The following KLHL29 variants were observed in gnomAD, a reference collection of about 807,000 sequenced individuals.
KLHL29 encodes the protein kelch like family member 29, also known as kelch-like protein 29.
Under a neutral mutation model 80.4 loss-of-function variants are expected in KLHL29, and 21 were observed. The observed-to-expected ratio is 0.26, with a 90% CI of 0.19 to 0.38. The LOEUF (loss-of-function observed/expected upper bound fraction) is 0.38, where lower values mean the gene tolerates loss of function less well. Ranked by LOEUF, KLHL29 falls within the 10% of genes least tolerant of loss-of-function variation. The pLI, the probability that KLHL29 is intolerant of heterozygous loss-of-function variation, is 1.00. For synonymous variants in KLHL29, 511 were observed against 526.8 expected (o/e 0.97, Z 0.41); for missense variants, 867 against 1,223.9 (o/e 0.71, Z 4.35).
chr2:23,409,182 C>A (rs375153628), intron 1 of KLHL29, among the ~76,000 whole-genome samples: 1 of 152,134 alleles, frequency 6.6e-6, no homozygotes, highest in South Asian at 2.1e-4. Context: ...ACTTTCCATT[C>A]GCAGCACAAA....
chr2:23,593,646 A>G (rs979064768), intron 3 of KLHL29, among the ~76,000 whole-genome samples: 1 of 152,224 alleles, frequency 6.6e-6, no homozygotes, highest in Non-Finnish European at 1.5e-5. Context: ...ACGTGGGGTC[A>G]GGACCAGGGT....
intron 2 of KLHL29, among the ~76,000 whole-genome samples, chr2:23,527,291 C>T (rs938783150): frequency 1.3e-5 from 2 of 152,220 alleles, no homozygotes; most frequent in Admixed American, 6.5e-5. Context: ...TTAGAGCCAG[C>T]ACGTGCTTGC....
intron 2 of KLHL29, among the ~76,000 whole-genome samples, chr2:23,514,893 T>C (rs1185952170): frequency 6.6e-6 from 1 of 152,200 alleles, no homozygotes; most frequent in Non-Finnish European, 1.5e-5. Flanking sequence ...CCACCCATCC[T>C]TCCAGTTCCT....
At chr2:23,545,620 A>G (rs1204136865) in intron 2 of KLHL29, among the ~76,000 whole-genome samples, 1 of 152,190 alleles carries the variant, frequency 6.6e-6, no homozygotes, top group Non-Finnish European at 1.5e-5. Context: ...CTCTGATTTC[A>G]TAGTGAAATT....
chr2:23,652,159 C>T (rs1033299661), intron 5 of KLHL29, among the ~76,000 whole-genome samples: 4 of 152,258 alleles, frequency 2.6e-5, no homozygotes, highest in African/African-American at 4.8e-5. Flanking sequence ...TGAACATTTT[C>T]ATAAATGCAC....
chr2:23,535,045 T>A (rs1389469736), intron 2 of KLHL29, among the ~76,000 whole-genome samples: 2 of 152,228 alleles, frequency 1.3e-5, no homozygotes, highest in Non-Finnish European at 2.9e-5. Context: ...TCAAAACTCA[T>A]CAGACTGTGC....
chr2:23,629,533 A>G (rs1295803935), intron 3 of KLHL29, among the ~76,000 whole-genome samples: 1 of 152,190 alleles, frequency 6.6e-6, no homozygotes, highest in Non-Finnish European at 1.5e-5. Context: ...TGCCAGATTT[A>G]TCATTTCCTT....
chr2:23,540,300 T>G (rs1343279813), intron 2 of KLHL29, among the ~76,000 whole-genome samples: 2 of 152,274 alleles, frequency 1.3e-5, no homozygotes. Context: ...CAATTACAAT[T>G]AAATAAAATG....
At position 23,503,352 on chromosome 2, in the gene KLHL29, TCA is replaced by T. The variant is rs1311470483; in HGVS notation, c.-46+27687_-46+27688del. On this transcript the variant is annotated intron_variant, in intron 2 of 13. Transcript: ENST00000486442. The surrounding 1 kb of genome is among the most constrained non-coding windows in gnomAD (Gnocchi z 4.0). ...AGGCTGGACTAAAAGGTCACTAAGGTCACTTGTAGCCTGACCTTCCATGGCTC... is the reference window on the plus strand; with the variant it reads ...AGGCTGGACTAAAAGGTCACTAAGGTCTTGTAGCCTGACCTTCCATGGCTC... Among the ~76,000 whole-genome samples the T allele has an allele frequency of 1.3e-5, 2 of 152,134 alleles. No homozygotes were observed. The highest frequency in any genetic ancestry group is 1.3e-4 in the Admixed American group (2 of 15,284).
At chr2:23,698,027 AG>A (rs1572523936) in intron 11 of KLHL29, 1 of 152,368 alleles carries the variant, frequency 6.6e-6, no homozygotes, top group East Asian at 1.9e-4. Flanking sequence ...TGATAAATAT[AG>A]GGATTTGTTC....
intron 2 of KLHL29, among the ~76,000 whole-genome samples, chr2:23,516,546 G>T (rs537135783): frequency 5.3e-5 from 8 of 152,242 alleles, no homozygotes; most frequent in East Asian, 1.9e-4. Context: ...GTGCCATGGC[G>T]CAGCAAGCTA....
At chr2:23,432,558 G>A (rs1002647623) in intron 1 of KLHL29, among the ~76,000 whole-genome samples, 2 of 152,250 alleles carry the variant, frequency 1.3e-5, no homozygotes, top group African/African-American at 4.8e-5. Context: ...TAATACACAT[G>A]TAGATTTAAA....
chr2:23,587,081 C>T (rs554673026), intron 3 of KLHL29, among the ~76,000 whole-genome samples: 1 of 152,130 alleles, frequency 6.6e-6, no homozygotes, highest in Non-Finnish European at 1.5e-5. Context: ...GAAGAACAGG[C>T]CTTTCATGTC....
intron 3 of KLHL29, among the ~76,000 whole-genome samples, chr2:23,566,459 T>G (rs1667592234): frequency 6.6e-6 from 1 of 152,246 alleles, no homozygotes; most frequent in Admixed American, 6.5e-5. Flanking sequence ...GGTAGAGCAT[T>G]CACCATGGTA....
In KLHL29 at chr2:23,693,531, G is replaced by A. The variant is rs1173496818; in HGVS notation, c.1542+3G>A. 1 of 1,548,788 alleles carries A rather than the reference G, an allele frequency of 6.5e-7. No individual in the cohort carries two copies. The highest frequency in any genetic ancestry group is 8.7e-7 in the Non-Finnish European group (1 of 1,144,632). ...AGGACCCCGCGACACGCACACAGGT[G>A]GGGCCTGCCCTGTCCCCCGCCCCTT... is the stretch of plus-strand genomic sequence containing the variant. On this transcript the variant is annotated splice_donor_region_variant and intron_variant, in intron 8 of 13. Transcript: ENST00000486442.
intron 3 of KLHL29, among the ~76,000 whole-genome samples, chr2:23,610,261 G>A (rs373750149): frequency 1.7e-4 from 26 of 152,284 alleles, no homozygotes; most frequent in African/African-American, 6.3e-4. Context: ...AACTCTTGCT[G>A]GCCTCTCGGT....
intron 3 of KLHL29, among the ~76,000 whole-genome samples, chr2:23,573,606 A>G (rs1309362681): frequency 2.0e-5 from 3 of 152,210 alleles, no homozygotes; most frequent in African/African-American, 4.8e-5. Context: ...CCCACAGAAC[A>G]GTTTTGCTCA....
At chr2:23,397,900 C>G (rs940675941) in intron 1 of KLHL29, among the ~76,000 whole-genome samples, 4 of 152,182 alleles carry the variant, frequency 2.6e-5, no homozygotes, top group Non-Finnish European at 5.9e-5. Context: ...GAAGTCAAAA[C>G]CACAATAAGA....
intron 1 of KLHL29, among the ~76,000 whole-genome samples, chr2:23,402,796 G>A (rs888664024): frequency 6.6e-6 from 1 of 152,082 alleles, no homozygotes; most frequent in Admixed American, 6.6e-5. Flanking sequence ...TGAGAGAATA[G>A]TTTTTAATTA....
Sources: gnomAD v4.1 joint callset for allele counts (sites outside exome capture counted in the v4.1 genomes callset) on GRCh38, gnomAD v4.1.1 for gene constraint, Gnocchi (gnomAD v3.1) non-coding constraint, MANE v1.5 for transcripts, NCBI Gene and HGNC (gene_info 2026-07-23, HGNC 2026-07-21) for gene names.